The following SGSM2 variants were observed in gnomAD, a reference collection of about 807,000 sequenced individuals.
SGSM2 encodes the protein small G protein signaling modulator 2.
Under a neutral mutation model 126.6 loss-of-function variants are expected in SGSM2, and 89 were observed. The ratio of observed to expected loss-of-function variants is 0.70; its 90% CI spans 0.59 to 0.84. The LOEUF (loss-of-function observed/expected upper bound fraction) is 0.84. SGSM2 is among the 40% of genes least tolerant of loss of function. The pLI is 0.00. For missense variants in SGSM2, 1,404 were observed against 1,416.6 expected (o/e 0.99, Z 0.14); for synonymous variants, 614 against 574.3 (o/e 1.07, Z -0.99).
intron 11 of SGSM2, 147 bp downstream of exon 11, chr17:2,365,488 A>C: frequency 1.0e-6 from 1 of 968,272 alleles, no homozygotes; most frequent in Non-Finnish European, 1.5e-6. Flanking sequence ...TCTCAGCTGG[A>C]CCTTTTACCC....
chr17:2,354,757 A>T (rs945081953), intron 2 of SGSM2, among the ~76,000 whole-genome samples: 1 of 152,270 alleles, frequency 6.6e-6, no homozygotes, highest in Non-Finnish European at 1.5e-5. Flanking sequence ...GCAGCTCCCC[A>T]CGTCCCTTCC....
chr17:2,377,771 C>A (rs751007585), intron 21 of SGSM2, 86 bp from the exon 22 acceptor site: 4 of 856,702 alleles, frequency 4.7e-6, no homozygotes, highest in Non-Finnish European at 5.9e-6. Flanking sequence ...TCGCCTGCAT[C>A]CCTGGGCGTG....
chr17:2,339,667 C>T (rs937507459), intron 1 of SGSM2, among the ~76,000 whole-genome samples: 2 of 149,504 alleles, frequency 1.3e-5, no homozygotes, highest in African/African-American at 5.0e-5. Context: ...CAGATCGTGC[C>T]ACTGCACTCC....
At chr17:2,342,410 C>T (rs562691993) in intron 1 of SGSM2, among the ~76,000 whole-genome samples, 2 of 151,900 alleles carry the variant, frequency 1.3e-5, no homozygotes, top group East Asian at 1.9e-4. Flanking sequence ...GGCAAAAGAG[C>T]GAAACTCCAT....
Position 2,362,169 on chromosome 17 carries a change from C to G in SGSM2, c.357C>G (p.Ala119=), listed in dbSNP as rs2151562217. The G allele has an allele frequency of 1.2e-6, 2 of 1,614,004 alleles. No individual in the cohort carries two copies. Among genetic ancestry groups the G allele is most frequent in the East Asian group, 4.5e-5 (2 of 44,884 alleles). Residue 119 remains alanine (A), a synonymous_variant, in exon 4 of 24, where the codon GCC becomes GCG. Coordinates refer to ENST00000268989, the MANE Select transcript of SGSM2 (RefSeq NM_014853.3). The surrounding 1 kb of genome is among the most constrained non-coding windows in gnomAD (Gnocchi z 4.9). ...LRRQGSASGK[A]PALSPQALKH... ...GACAGGGCTCAGCCAGCGGGAAGGC[C>G]CCGGCCCTCAGCCCTCAGGCCTTGA...
chr17:2,346,774 G>T lies in SGSM2; in HGVS notation c.133+3154G>T, dbSNP rs897006721. Among the ~76,000 whole-genome samples the T allele has an allele frequency of 7.2e-5, 11 of 152,212 alleles. No homozygotes were observed. In the South Asian group the frequency reaches 1.0e-3, roughly 14 times the overall value. On this transcript the variant is annotated intron_variant, in intron 2 of 23. Coordinates refer to ENST00000268989, the MANE Select transcript of SGSM2 (RefSeq NM_014853.3). ...CACCTCCGTGCCAGTGGAGGGTGGC[G>T]CTAGGAGAATGGACTCAAAACTACC...
In SGSM2 at chr17:2,380,181, C is replaced by T. The variant is rs999508088; in HGVS notation, c.*661C>T. ...GCCTTTGGCCACCTGAGGTGACCCC[C>T]AGGCCTCCCCGGCCTTGTACAGTGT... On this transcript the variant is annotated 3_prime_UTR_variant, in exon 24 of 24. Coordinates refer to ENST00000268989, the MANE Select transcript of SGSM2 (RefSeq NM_014853.3). 5.3e-6 allele frequency: 8 copies of T among 1,508,028 alleles called. No homozygotes were observed. Among genetic ancestry groups the T allele is most frequent in the Non-Finnish European group, 7.1e-6 (8 of 1,129,988 alleles). The allele number at this position is 1,508,028 out of a possible 1,614,324, so 93.4% of individuals were successfully genotyped here. A position where few individuals can be genotyped will look rare whatever the true frequency, so the allele number is the denominator to read the frequency against.
intron 11 of SGSM2, 139 bp downstream of exon 11, chr17:2,365,480 T>A (rs1597364933): frequency 1.9e-6 from 2 of 1,031,790 alleles, no homozygotes; most frequent in Non-Finnish European, 2.7e-6. Flanking sequence ...GCCTAGCCTC[T>A]CAGCTGGACC....
At chr17:2,345,849 G>T (rs1369454710) in intron 2 of SGSM2, among the ~76,000 whole-genome samples, 1 of 152,116 alleles carries the variant, frequency 6.6e-6, no homozygotes, top group Non-Finnish European at 1.5e-5. Flanking sequence ...GTGCTCAGTG[G>T]TGAGCTAAAT....
chr17:2,364,268 T>G, intron 8 of SGSM2, 85 bp downstream of exon 8: 1 of 1,545,980 alleles, frequency 6.5e-7, no homozygotes, highest in Non-Finnish European at 8.8e-7. Context: ...CCCCGCTTGC[T>G]CCAGGAGGCC....
At chr17:2,353,606 T>A (rs942080255) in intron 2 of SGSM2, among the ~76,000 whole-genome samples, 1 of 151,982 alleles carries the variant, frequency 6.6e-6, no homozygotes, top group Non-Finnish European at 1.5e-5. Flanking sequence ...CTACTAAAAA[T>A]TTTTAAAAAT....
rs924642206 is a variant in SGSM2 at position 2,362,509 on chromosome 17, C to T, written c.458+239C>T. Reference sequence around the variant, plus strand: ...CCGTTCCCCAAAAACTGCAGGTGACCGCCCCGTTCCCCAAAAACTGCAGGT... The same window carrying T: ...CCGTTCCCCAAAAACTGCAGGTGACTGCCCCGTTCCCCAAAAACTGCAGGT... On this transcript the variant is annotated intron_variant, in intron 4 of 23. Transcript: ENST00000268989. The surrounding 1 kb of genome is among the most constrained non-coding windows in gnomAD (Gnocchi z 4.9). Among the ~76,000 whole-genome samples, 10 of 151,624 alleles carry T rather than the reference C, an allele frequency of 6.6e-5. No homozygotes were observed. The highest frequency in any genetic ancestry group is 4.6e-4 in the Admixed American group (7 of 15,222).
Position 2,348,516 on chromosome 17 carries a change from C to G in SGSM2, c.133+4896C>G, listed in dbSNP as rs571076498. 1.6e-4 allele frequency among the ~76,000 whole-genome samples: 25 copies of G among 152,318 alleles called. No homozygotes were observed. The South Asian group carries it at 5.0e-3, about 30-fold the overall frequency. ...AAGGAGGGAGCTCTGAAGGAGCTGA[C>G]TCCCCTCACTCTATCTTGGGGCATT... On this transcript the variant is annotated intron_variant, in intron 2 of 23. Coordinates refer to ENST00000268989, the MANE Select transcript of SGSM2 (RefSeq NM_014853.3).
chr17:2,361,535 T>TGCCCTTACCCCTTGCCTC, intron 2 of SGSM2, 102 bp from the exon 3 acceptor site: 1 of 1,445,964 alleles, frequency 6.9e-7, no homozygotes, highest in Non-Finnish European at 9.4e-7. Flanking sequence ...GCCCTTGGCT[T>TGCCCTTACCCCTTGCCTC]GCCCTTACCC....
rs1049682735 is a variant in SGSM2, at chr17:2,372,506, C to T, written c.1788+18C>T. 6.3e-7 allele frequency: 1 copy of T among 1,593,904 alleles called. No homozygotes were observed. The highest frequency in any genetic ancestry group is 8.5e-7 in the Non-Finnish European group (1 of 1,174,260). On this transcript the variant is annotated intron_variant, in intron 15 of 23. Transcript: ENST00000268989. This position sits in a 1 kb window ranked among gnomAD's most constrained non-coding sequence, Gnocchi z 6.0. ...ACAAAAAGGTGCCAACCCTGGGGTTCCAGGGCCACAGGTCGAGGGGCTGGG... is the reference window on the plus strand; with the variant it reads ...ACAAAAAGGTGCCAACCCTGGGGTTTCAGGGCCACAGGTCGAGGGGCTGGG...
chr17:2,351,098 C>CA (rs1312961973), intron 2 of SGSM2, among the ~76,000 whole-genome samples: 1 of 152,062 alleles, frequency 6.6e-6, no homozygotes, highest in African/African-American at 2.4e-5. Flanking sequence ...ACTAAAAATA[C>CA]AAAAATTAGC....
intron 2 of SGSM2, among the ~76,000 whole-genome samples, chr17:2,352,364 T>G (rs1304014366): frequency 2.6e-5 from 4 of 152,198 alleles, no homozygotes; most frequent in African/African-American, 9.6e-5. Context: ...CTGCTTGCAC[T>G]TCCTCGCTTG....
chr17:2,358,411 C>T (rs1014884260), intron 2 of SGSM2, among the ~76,000 whole-genome samples: 2 of 152,136 alleles, frequency 1.3e-5, no homozygotes, highest in Admixed American at 6.5e-5. Context: ...GGTTTCTGCT[C>T]GACTCAGAAG....
Position 2,372,077 on chromosome 17 carries a change from C to A in SGSM2, c.1578-113C>A. On this transcript the variant is annotated intron_variant, in intron 13 of 23. Transcript: ENST00000268989. This position sits in a 1 kb window ranked among gnomAD's most constrained non-coding sequence, Gnocchi z 6.0. ...CTGCTGGGCTGCGGCTCCTCCTCCT[C>A]GCACCCTCCCCAGTGCCTTACCTGC... 1.6e-6 allele frequency: 2 copies of A among 1,254,564 alleles called. No homozygotes were observed. The highest frequency in any genetic ancestry group is 1.1e-6 in the Non-Finnish European group (1 of 875,366). The allele number at this position is 1,254,564 out of a possible 1,614,324, so 77.7% of individuals were successfully genotyped here.
Sources: allele counts gnomAD v4.1 joint callset (sites outside exome capture counted in the v4.1 genomes callset), GRCh38; gene constraint gnomAD v4.1.1; non-coding constraint Gnocchi (gnomAD v3.1); transcripts MANE v1.5; gene names NCBI Gene and HGNC (gene_info 2026-07-23, HGNC 2026-07-21).